RUVBL1: variants seen among roughly 807,000 people sequenced by gnomAD.
RUVBL1 encodes the protein ruvB-like 1.
RUVBL1 carries 4 observed loss-of-function variants against 52.4 expected under a neutral mutation model. That is an observed-to-expected ratio of 0.08 (90% CI 0.04 to 0.17). The LOEUF (loss-of-function observed/expected upper bound fraction) is 0.17, where lower values mean the gene tolerates loss of function less well. RUVBL1 is among the 10% of genes least tolerant of loss of function. The pLI, the probability that RUVBL1 is intolerant of heterozygous loss-of-function variation, is 1.00. For missense variants in RUVBL1, 298 were observed against 572.8 expected (o/e 0.52, Z 4.90); for synonymous variants, 217 against 214.4 (o/e 1.01, Z -0.10).
At chr3:128,076,551 C>G (rs780677993), downstream of RUVBL1, among the ~76,000 whole-genome samples, 5 of 152,076 alleles carry the variant, frequency 3.3e-5, no homozygotes, top group Non-Finnish European at 5.9e-5. The surrounding 1 kb of genome is among the most constrained non-coding windows in gnomAD (Gnocchi z 6.8). Context: ...TTGCAAAGAC[C>G]GAAGAGGCTG....
Position 128,148,301 on chromosome 3 carries a change from G to T in RUVBL1, c.-40+4902C>A, listed in dbSNP as rs1235313247. Among the ~76,000 whole-genome samples the T allele has an allele frequency of 2.0e-5, 3 of 152,178 alleles. No individual in the cohort carries two copies. The East Asian group carries it at 5.8e-4, about 29-fold the overall frequency. ...AGTGCTGATGGTAGAGATGTTCAGA[G>T]GGGATTGGATTCTAAGGGTAAAACC... is the stretch of plus-strand genomic sequence containing the variant. On this transcript the variant is annotated intron_variant, in intron 1 of 9. Coordinates refer to the RUVBL1 transcript ENST00000464873.
chr3:128,134,335 C>T (rs947542573), intron 1 of RUVBL1, among the ~76,000 whole-genome samples: 5 of 151,584 alleles, frequency 3.3e-5, no homozygotes, highest in Non-Finnish European at 7.4e-5. Context: ...CGGTGGTAGG[C>T]GCCTGTAATC....
rs372738765 is a variant in RUVBL1, at chr3:128,146,542, G to A, written c.-40+6661C>T. 2.7e-4 allele frequency among the ~76,000 whole-genome samples: 40 copies of A among 150,328 alleles called. No individual in the cohort carries two copies. In the East Asian group the frequency reaches 7.1e-3, roughly 27 times the overall value. On this transcript the variant is annotated intron_variant, in intron 1 of 9. Coordinates refer to the RUVBL1 transcript ENST00000464873. ...CATCTGTGTGTGTGTGTCTCTGTGC[G>A]TGTGCACGGGCATGTGCATGTGCGT...
chr3:128,121,728 A>G (rs1352532559), intron 1 of RUVBL1, among the ~76,000 whole-genome samples: 1 of 151,118 alleles, frequency 6.6e-6, no homozygotes, highest in East Asian at 2.0e-4. Context: ...AAAAAAAAAA[A>G]AAAAAACTAC....
chr3:128,081,047 C>G lies in RUVBL1; in HGVS notation c.*203G>C. 1 of 512,056 alleles carries G rather than the reference C, an allele frequency of 2.0e-6. No homozygotes were observed. The highest frequency in any genetic ancestry group is 3.4e-6 in the Non-Finnish European group (1 of 291,304). 31.7% of individuals were successfully genotyped at this position (512,056 alleles called of 1,614,324 possible). A position where few individuals can be genotyped will look rare whatever the true frequency, so the allele number is the denominator to read the frequency against. On this transcript the variant is annotated 3_prime_UTR_variant, in exon 11 of 11. Coordinates refer to ENST00000322623, the MANE Select transcript of RUVBL1 (RefSeq NM_003707.3). The surrounding 1 kb of genome is among the most constrained non-coding windows in gnomAD (Gnocchi z 4.8). ...CCTATGAAGATTTATAGAAAACACA[C>G]CAGGTAAGGAAGGGTTCTTTCAAAG... is the stretch of plus-strand genomic sequence containing the variant.
chr3:128,102,600 A>G (rs746486566), intron 4 of RUVBL1, among the ~76,000 whole-genome samples: 1 of 152,268 alleles, frequency 6.6e-6, no homozygotes, highest in African/African-American at 2.4e-5. Context: ...AAAAAAAGAC[A>G]TACACTGTAT....
intron 1 of RUVBL1, chr3:128,153,167 G>C: frequency 8.5e-7 from 1 of 1,169,760 alleles, no homozygotes; most frequent in Non-Finnish European, 1.1e-6. Context: ...CAATCCTCTT[G>C]ATAGCTATAG....
chr3:128,108,343 A>G (rs545174473), intron 3 of RUVBL1, among the ~76,000 whole-genome samples: 2 of 152,320 alleles, frequency 1.3e-5, no homozygotes, highest in African/African-American at 2.4e-5. Context: ...CATCAAAAGA[A>G]TGGTACTACT....
chr3:128,073,852 G>A (rs895335554), intron 9 of RUVBL1, among the ~76,000 whole-genome samples: 2 of 152,174 alleles, frequency 1.3e-5, no homozygotes, highest in East Asian at 3.8e-4. Context: ...GCCCATCGGA[G>A]GGGGCTGAAT....
At chr3:128,089,928 AAAAAAAAAAAAAC>A (rs1942783690) in intron 8 of RUVBL1, among the ~76,000 whole-genome samples, 1 of 150,638 alleles carries the variant, frequency 6.6e-6, no homozygotes, top group African/African-American at 2.4e-5. Context: ...AAAAAAAAAA[AAAAAAAAAAAAAC>A]ACAGAAATAA....
chr3:128,144,556 C>A (rs541301004), intron 1 of RUVBL1, among the ~76,000 whole-genome samples: 2 of 152,198 alleles, frequency 1.3e-5, no homozygotes, highest in African/African-American at 2.4e-5. Context: ...AGGATGTCTT[C>A]GTGGGCTAGA....
chr3:128,150,907 A>AATATTCTATATTATATATATAAT lies in RUVBL1; in HGVS notation c.-40+2273_-40+2295dup, dbSNP rs1559841637. On this transcript the variant is annotated intron_variant, in intron 1 of 9. Transcript: ENST00000464873. ...TATATATATTCTATATATATAATAT[A>AATATTCTATATTATATATATAAT]ATATTCTATATTATATATATAATAT... is the stretch of plus-strand genomic sequence containing the variant. Among the ~76,000 whole-genome samples, 13 of 72,572 alleles carry AATATTCTATATTATATATATAAT rather than the reference A, an allele frequency of 1.8e-4. 1 individual carries two copies. Among genetic ancestry groups the AATATTCTATATTATATATATAAT allele is most frequent in the African/African-American group, 8.0e-4 (13 of 16,226 alleles). The allele number at this position is 72,572 out of a possible 152,430, so 47.6% of individuals were successfully genotyped here.
chr3:128,075,054 T>C (rs1223529288), intron 9 of RUVBL1: 1 of 150,740 alleles, frequency 6.6e-6, no homozygotes, highest in East Asian at 1.9e-4. Context: ...CCTGCAATCC[T>C]TTTTTTTTAT....
chr3:128,082,645 A>C lies in RUVBL1; in HGVS notation c.1120-71T>G. On this transcript the variant is annotated intron_variant, in intron 9 of 10. Coordinates refer to ENST00000322623, the MANE Select transcript of RUVBL1 (RefSeq NM_003707.3). The surrounding 1 kb of genome is among the most constrained non-coding windows in gnomAD (Gnocchi z 4.7). The stretch of plus-strand genomic sequence containing the variant: ...GCCCCATTTCTAAAGTGCTTTAAAG[A>C]CAATGTTGCTCAGATTTCTCACTGT... 8.2e-7 allele frequency: 1 copy of C among 1,222,868 alleles called. No homozygotes were observed. Among genetic ancestry groups the C allele is most frequent in the Non-Finnish European group, 1.2e-6 (1 of 855,502 alleles). The allele number at this position is 1,222,868 out of a possible 1,614,324, so 75.8% of individuals were successfully genotyped here.
At chr3:128,133,759 G>T (rs1483761212) in intron 1 of RUVBL1, among the ~76,000 whole-genome samples, 1 of 152,224 alleles carries the variant, frequency 6.6e-6, no homozygotes, top group Admixed American at 6.5e-5. Context: ...TGAATGCTTG[G>T]CAAGGCTTCC....
intron 3 of RUVBL1, among the ~76,000 whole-genome samples, chr3:128,105,291 T>G (rs1275227185): frequency 6.6e-6 from 1 of 151,820 alleles, no homozygotes; most frequent in Non-Finnish European, 1.5e-5. Flanking sequence ...GGCTAATTTT[T>G]TTGTATTTTT....
intron 3 of RUVBL1, among the ~76,000 whole-genome samples, chr3:128,112,621 A>G (rs145462086): frequency 5.8e-4 from 88 of 152,326 alleles, no homozygotes; most frequent in African/African-American, 2.0e-3. Context: ...ATGACTCATT[A>G]AAAAAACACT....
chr3:128,074,603 G>C (rs918647565), intron 9 of RUVBL1, among the ~76,000 whole-genome samples: 2 of 152,178 alleles, frequency 1.3e-5, no homozygotes, highest in Middle Eastern at 3.4e-3. Context: ...GGCACTGTGG[G>C]AGGCCAAAGC....
chr3:128,073,093 G>C (rs9813812), intron 9 of RUVBL1, among the ~76,000 whole-genome samples: 1 of 152,000 alleles, frequency 6.6e-6, no homozygotes, highest in South Asian at 2.1e-4. Context: ...CTTAGCTCCC[G>C]AGCCAGGACA....
Sources: gnomAD v4.1 joint callset for allele counts (sites outside exome capture counted in the v4.1 genomes callset) on GRCh38, gnomAD v4.1.1 for gene constraint, Gnocchi (gnomAD v3.1) non-coding constraint, MANE v1.5 for transcripts, NCBI Gene and HGNC (gene_info 2026-07-23, HGNC 2026-07-21) for gene names.